The following ABCA12 variants were observed in gnomAD, a reference collection of about 807,000 sequenced individuals.
ABCA12 encodes ATP binding cassette subfamily A member 12, also known as glucosylceramide transporter ABCA12.
A neutral mutation model predicts 293.5 loss-of-function variants in ABCA12; 156 were observed. That is an observed-to-expected ratio of 0.53 (90% CI 0.47 to 0.61). The LOEUF is 0.61. Among genes scored for constraint, ABCA12 ranks in the 20% least tolerant of loss-of-function variants. The probability of loss-of-function intolerance (pLI) is 0.00; values close to 1 mark genes in which losing one functional copy is unlikely to be tolerated. For missense variants in ABCA12, 2,797 were observed against 3,090.2 expected, an observed-to-expected ratio of 0.91 and a Z score of 2.25; for synonymous variants, 1,063 against 1,108.0, an observed-to-expected ratio of 0.96 and a Z score of 0.81.
At chr2:214,943,339 C>G (rs1001906000) in intron 49 of ABCA12, among the ~76,000 whole-genome samples, 1 of 151,684 alleles carries the variant, frequency 6.6e-6, no homozygotes, top group Admixed American at 6.6e-5. Context: ...AGATGGGGGT[C>G]TTGCCATGTT....
intron 7 of ABCA12, among the ~76,000 whole-genome samples, chr2:215,042,738 T>A (rs909132174): frequency 6.6e-6 from 1 of 152,302 alleles, no homozygotes; most frequent in Non-Finnish European, 1.5e-5. Flanking sequence ...TATTTTGAAA[T>A]ATACAATGGA....
intron 28 of ABCA12, 73 bp from the exon 29 acceptor site, chr2:214,983,938 A>C: frequency 1.5e-6 from 2 of 1,325,020 alleles, no homozygotes; most frequent in Non-Finnish European, 2.1e-6. Context: ...ACTATATCTC[A>C]GTTGTTAGAA....
chr2:215,134,548 G>GCATATATGTACATATATGCGTATA (rs1559214217), intron 1 of ABCA12, among the ~76,000 whole-genome samples: 2 of 111,784 alleles, frequency 1.8e-5, no homozygotes, highest in African/African-American at 3.6e-5. Context: ...ACATATATAC[G>GCATATATGTACATATATGCGTATA]TATATGTATA....
At chr2:215,047,121 T>C (rs1173770543) in intron 6 of ABCA12, among the ~76,000 whole-genome samples, 1 of 152,118 alleles carries the variant, frequency 6.6e-6, no homozygotes, top group Non-Finnish European at 1.5e-5. Flanking sequence ...GCTAATGCAT[T>C]CTTGGCTTAA....
At chr2:215,119,734 TAAAAAAAA>T (rs386654995) in intron 1 of ABCA12, among the ~76,000 whole-genome samples, 1 of 75,608 alleles carries the variant, frequency 1.3e-5, no homozygotes, top group Non-Finnish European at 3.3e-5. Context: ...CATTAAAAAG[TAAAAAAAA>T]AAAAAAAAAA....
chr2:215,048,022 G>T (rs1322055175), intron 6 of ABCA12, among the ~76,000 whole-genome samples: 1 of 150,730 alleles, frequency 6.6e-6, no homozygotes, highest in East Asian at 1.9e-4. Context: ...ATGAACAGAT[G>T]CTTTTCAAAA....
intron 23 of ABCA12, among the ~76,000 whole-genome samples, chr2:214,993,183 C>G (rs1699961988): frequency 6.6e-6 from 1 of 152,196 alleles, no homozygotes; most frequent in Non-Finnish European, 1.5e-5. Flanking sequence ...GTGACTTTCC[C>G]TCTTAACTTT....
At chr2:215,127,642 G>T (rs190813200) in intron 1 of ABCA12, among the ~76,000 whole-genome samples, 1 of 152,162 alleles carries the variant, frequency 6.6e-6, no homozygotes, top group African/African-American at 2.4e-5. Context: ...CCATTTGCAT[G>T]AAATGCCTTT....
chr2:215,021,415 A>G (rs1051561467), intron 11 of ABCA12, among the ~76,000 whole-genome samples: 13 of 152,234 alleles, frequency 8.5e-5, no homozygotes, highest in African/African-American at 3.1e-4. Context: ...TGAAAATCAA[A>G]TAATTTCCTA....
At chr2:215,012,580 A>T (rs932789582) in intron 15 of ABCA12, among the ~76,000 whole-genome samples, 1 of 152,208 alleles carries the variant, frequency 6.6e-6, no homozygotes, top group Admixed American at 6.5e-5. Flanking sequence ...ATATCTTTTT[A>T]AAAAGGCAAA....
At chr2:215,101,096 T>C (rs1422611836) in intron 2 of ABCA12, among the ~76,000 whole-genome samples, 2 of 152,170 alleles carry the variant, frequency 1.3e-5, no homozygotes, top group Admixed American at 6.5e-5. Context: ...ACTTCTGATA[T>C]CCTGGGGATT....
In ABCA12 at chr2:214,990,975, C is replaced by T. The variant is rs751423486; in HGVS notation, c.3351G>A (p.Glu1117=). 6.2e-6 allele frequency: 10 copies of T among 1,613,944 alleles called. No homozygotes were observed. In the African/African-American group the frequency reaches 1.1e-4, roughly 17 times the overall value. The change falls in exon 24 of 53, where the codon GAG becomes GAA. Residue 1117 remains glutamate, a synonymous_variant. Coordinates refer to ENST00000272895, the MANE Select transcript of ABCA12 (RefSeq NM_173076.3). ...SCSHFFAWLI[E]SVGFLLVTIV... ...TGGTAACCAGTAAAAATCCAACACT[C>T]TCTATAAGCCAGGCAAAGAAATGGC...
In ABCA12 at chr2:215,004,297, A is replaced by G; in HGVS notation, c.2595T>C (p.Asn865=). ...CTTGCACAAAAGGGTTCCTTAGAGT[A>G]TTCTAACAAATAATAATTAAAAATC... ...LLNQAIPMLQ[N]TLRNPFVQVF... The change falls in exon 20 of 53, where the codon AAT becomes AAC. Residue 865 remains asparagine, a splice_region_variant and synonymous_variant. Coordinates refer to ENST00000272895, the MANE Select transcript of ABCA12 (RefSeq NM_173076.3). 6.2e-7 allele frequency: 1 copy of G among 1,606,264 alleles called. No homozygotes were observed. The highest frequency in any genetic ancestry group is 8.5e-7 in the Non-Finnish European group (1 of 1,173,976).
At chr2:215,107,768 C>A (rs1476604956) in intron 2 of ABCA12, among the ~76,000 whole-genome samples, 3 of 152,176 alleles carry the variant, frequency 2.0e-5, no homozygotes, top group Non-Finnish European at 2.9e-5. Context: ...CTTCTGGGAG[C>A]AGAATGTACC....
At chr2:214,990,361 A>G (rs1294807592) in intron 24 of ABCA12, among the ~76,000 whole-genome samples, 1 of 152,230 alleles carries the variant, frequency 6.6e-6, no homozygotes, top group Non-Finnish European at 1.5e-5. Flanking sequence ...ACATATGAGA[A>G]TAATTCCAAT....
At chr2:214,955,436 C>T (rs993837749) in intron 42 of ABCA12, 75 bp from the exon 43 acceptor site, 1 of 1,448,468 alleles carries the variant, frequency 6.9e-7, no homozygotes, top group Non-Finnish European at 9.6e-7. Flanking sequence ...AATCCTAACA[C>T]TTTAGGAGGC....
intron 2 of ABCA12, among the ~76,000 whole-genome samples, chr2:215,066,935 T>C (rs1335513711): frequency 1.3e-5 from 2 of 152,140 alleles, no homozygotes; most frequent in Non-Finnish European, 2.9e-5. Context: ...GCATGTAACA[T>C]TTACTTATGT....
chr2:214,978,540 A>G, intron 32 of ABCA12, 74 bp from the exon 33 acceptor site: 1 of 1,544,914 alleles, frequency 6.5e-7, no homozygotes, highest in African/African-American at 1.4e-5. Flanking sequence ...CTTACCTTTG[A>G]TTTTGAACTT....
chr2:215,001,807 C>T (rs537419661), intron 20 of ABCA12, 70 bp from the exon 21 acceptor site: 113 of 1,373,586 alleles, frequency 8.2e-5, no homozygotes, highest in African/African-American at 4.1e-4. Flanking sequence ...AGATGAAATA[C>T]TGATTTTTTG....
Sources: allele counts gnomAD v4.1 joint callset (sites outside exome capture counted in the v4.1 genomes callset), GRCh38; gene constraint gnomAD v4.1.1; transcripts MANE v1.5; gene names NCBI Gene and HGNC (gene_info 2026-07-23, HGNC 2026-07-21).